MYO3B: variants seen among roughly 807,000 people sequenced by gnomAD.
The protein encoded by MYO3B is myosin IIIB.
Under a neutral mutation model 174.6 loss-of-function variants are expected in MYO3B, and 156 were observed. That is an observed-to-expected ratio of 0.89 (90% confidence interval 0.78 to 1.02). The LOEUF is 1.02. Among genes scored for constraint, MYO3B ranks in the 50% least tolerant of loss-of-function variants. MYO3B has a pLI of 0.00. For missense variants in MYO3B, 1,632 were observed against 1,639.4 expected (o/e 1.00, Z 0.08); for synonymous variants, 563 against 569.1 (o/e 0.99, Z 0.15).
rs140392831 is a variant in MYO3B at position 170,563,857 on chromosome 2, A to G, written c.3733+19869A>G. On this transcript the variant is annotated intron_variant, in intron 32 of 34. Transcript: ENST00000408978. ...TCCTAGAAGCTCTATGCAATGATCT[A>G]TTTATATCTAATAGGCCTCCTTTAT... Among the ~76,000 whole-genome samples the G allele has an allele frequency of 2.1e-3, 314 of 152,328 alleles. 3 individuals are homozygous for G. Among genetic ancestry groups the G allele is most frequent in the African/African-American group, 6.9e-3 (285 of 41,570 alleles).
intron 25 of MYO3B, among the ~76,000 whole-genome samples, chr2:170,485,345 G>A (rs13423548): frequency 0.073 from 10,912 of 149,944 alleles, 1,291 homozygotes; most frequent in African/African-American, 0.25. Flanking sequence ...GCCCAATGAT[G>A]CCCCCTCTCT....
intron 22 of MYO3B, among the ~76,000 whole-genome samples, chr2:170,414,411 A>T (rs917085152): frequency 6.6e-6 from 1 of 151,884 alleles, no homozygotes; most frequent in African/African-American, 2.4e-5. Flanking sequence ...CTGGTCTCGA[A>T]CTCCTGACCT....
chr2:170,503,973 T>C (rs1388957866), intron 28 of MYO3B, among the ~76,000 whole-genome samples: 1 of 152,206 alleles, frequency 6.6e-6, no homozygotes, highest in African/African-American at 2.4e-5. Context: ...ATATTTTCCT[T>C]ATCTTTAGAT....
intron 8 of MYO3B, among the ~76,000 whole-genome samples, chr2:170,359,755 A>T (rs2094147373): frequency 6.6e-6 from 1 of 152,256 alleles, no homozygotes; most frequent in South Asian, 2.1e-4. Context: ...TCTTGCTCCT[A>T]GTTAGAATTA....
intron 32 of MYO3B, among the ~76,000 whole-genome samples, chr2:170,630,092 G>A (rs976539534): frequency 4.6e-5 from 7 of 152,222 alleles, no homozygotes; most frequent in African/African-American, 1.7e-4. Flanking sequence ...GCGAGCTGAA[G>A]CAGGGCGGGG....
intron 23 of MYO3B, among the ~76,000 whole-genome samples, chr2:170,452,259 A>C (rs1335433960): frequency 6.6e-6 from 1 of 152,036 alleles, no homozygotes; most frequent in Non-Finnish European, 1.5e-5. Context: ...TTTGAGAGAG[A>C]TCTATTCACT....
In MYO3B at chr2:170,383,126, A is replaced by G. The variant is rs200668192; in HGVS notation, c.1122A>G (p.Thr374=). ...QKRYADLLIY[T]YVGDILIALN... is the part of the protein sequence containing the mutation. ...GTTATGCAGACTTGCTAATTTACAC[A>G]TATGTTGGAGACATCTTAATTGCCT... Residue 374 remains threonine, a synonymous_variant, in exon 11 of 35, where the codon ACA becomes ACG. Transcript: ENST00000408978. The G allele has an allele frequency of 5.6e-6, 9 of 1,613,310 alleles. No homozygotes were observed. In the Admixed American group the frequency reaches 1.0e-4, roughly 18 times the overall value.
intron 3 of MYO3B, among the ~76,000 whole-genome samples, chr2:170,202,391 C>G (rs10197974): frequency 0.93 from 140,831 of 152,204 alleles, 65,183 homozygotes; most frequent in East Asian, 1. Context: ...CAGGCTGCTA[C>G]ATGGTCATGT....
intron 29 of MYO3B, among the ~76,000 whole-genome samples, chr2:170,519,114 TC>T (rs900052490): frequency 1.3e-5 from 2 of 152,156 alleles, no homozygotes; most frequent in African/African-American, 2.4e-5. Flanking sequence ...ACAGTGTTGT[TC>T]CAGCTGTTGT....
At chr2:170,410,060 A>G (rs60442236) in intron 22 of MYO3B, among the ~76,000 whole-genome samples, 26,546 of 152,192 alleles carry the variant, frequency 0.17, 2,523 homozygotes, top group East Asian at 0.33. Context: ...TGTTCCCACT[A>G]GAAGCAAGAT....
intron 22 of MYO3B, among the ~76,000 whole-genome samples, chr2:170,437,377 C>T (rs549229903): frequency 1.3e-5 from 2 of 152,238 alleles, no homozygotes; most frequent in Non-Finnish European, 2.9e-5. Context: ...GCCCCCACCC[C>T]CTTCTCCCTT....
At chr2:170,603,813 A>G (rs946145726) in intron 32 of MYO3B, among the ~76,000 whole-genome samples, 42 of 152,248 alleles carry the variant, frequency 2.8e-4, no homozygotes, top group African/African-American at 1.0e-3. Flanking sequence ...AACCATGAAT[A>G]AGAATGACAT....
intron 32 of MYO3B, among the ~76,000 whole-genome samples, chr2:170,602,666 TCTC>T (rs1215810182): frequency 6.6e-6 from 1 of 152,114 alleles, no homozygotes; most frequent in Non-Finnish European, 1.5e-5. Context: ...TCTTTCCCTC[TCTC>T]CTCTAAATTA....
chr2:170,387,401 T>TAAG, intron 14 of MYO3B, 93 bp downstream of exon 14: 1 of 1,177,882 alleles, frequency 8.5e-7, no homozygotes, highest in Non-Finnish European at 1.2e-6. Flanking sequence ...TTCTTGTTCT[T>TAAG]AACATTCCCC....
At chr2:170,524,318 A>G (rs913153507) in intron 30 of MYO3B, among the ~76,000 whole-genome samples, 8 of 152,170 alleles carry the variant, frequency 5.3e-5, no homozygotes, top group Non-Finnish European at 1.2e-4. Context: ...TTTCAGATCT[A>G]CCTACACCTG....
chr2:170,380,029 A>G (rs984311755), intron 9 of MYO3B, among the ~76,000 whole-genome samples: 1 of 152,238 alleles, frequency 6.6e-6, no homozygotes, highest in African/African-American at 2.4e-5. Flanking sequence ...TGCATACCAA[A>G]GGGTGGGGTG....
At chr2:170,311,194 A>G (rs2093736992) in intron 7 of MYO3B, among the ~76,000 whole-genome samples, 1 of 152,120 alleles carries the variant, frequency 6.6e-6, no homozygotes, top group Non-Finnish European at 1.5e-5. Flanking sequence ...AACCACCACC[A>G]AACCATTTTC....
intron 27 of MYO3B, 82 bp downstream of exon 27, chr2:170,499,890 C>A: frequency 1.5e-6 from 2 of 1,375,312 alleles, no homozygotes; most frequent in Non-Finnish European, 9.9e-7. Flanking sequence ...TGTTTCTCTT[C>A]TAAGTGGTTT....
At chr2:170,515,079 G>A (rs924201583) in intron 29 of MYO3B, 57 bp downstream of exon 29, 9 of 1,487,718 alleles carry the variant, frequency 6.0e-6, no homozygotes, top group Admixed American at 3.6e-5. Flanking sequence ...TTCCGGAGAA[G>A]GTTCCAAAGC....
Sources: allele counts gnomAD v4.1 joint callset (sites outside exome capture counted in the v4.1 genomes callset), GRCh38; gene constraint gnomAD v4.1.1; transcripts MANE v1.5; gene names NCBI Gene and HGNC (gene_info 2026-07-23, HGNC 2026-07-21).